The following LAMB4 variants were observed in gnomAD, a reference collection of about 807,000 sequenced individuals.
LAMB4 encodes laminin subunit beta-4.
LAMB4 carries 196 observed loss-of-function variants against 199.2 expected under a neutral mutation model. The ratio of observed to expected loss-of-function variants is 0.98; its 90% CI spans 0.88 to 1.11. LAMB4 has a LOEUF of 1.11. LAMB4 is among the 50% of genes least tolerant of loss of function. The pLI is 0.00. For synonymous variants in LAMB4, 744 were observed against 770.6 expected (o/e 0.97, Z 0.57); for missense variants, 2,080 against 2,171.2 (o/e 0.96, Z 0.83).
chr7:108,118,777 G>A (rs71568511), intron 2 of LAMB4, among the ~76,000 whole-genome samples: 217 of 151,636 alleles, frequency 1.4e-3, no homozygotes, highest in Non-Finnish European at 2.7e-3. Flanking sequence ...ATCCATAAAA[G>A]GAGAATTTAG....
intron 28 of LAMB4, among the ~76,000 whole-genome samples, chr7:108,045,861 T>C (rs1258662979): frequency 6.6e-6 from 1 of 152,186 alleles, no homozygotes; most frequent in African/African-American, 2.4e-5. Context: ...AAGTAAAGTT[T>C]CAATATTTAT....
Position 108,107,731 on chromosome 7 carries a change from G to T in LAMB4, c.491C>A (p.Ala164Asp), listed in dbSNP as rs957282274. The T allele has an allele frequency of 6.2e-7, 1 of 1,613,646 alleles. No individual in the cohort carries two copies. The highest frequency in any genetic ancestry group is 8.5e-7 in the Non-Finnish European group (1 of 1,179,700). ...KVFKYFAKDC[A>D]TSFPNITSGQ... The stretch of plus-strand genomic sequence containing the variant: ...AGATGTGATGTTAGGAAAGGAAGTG[G>T]CACAGTCTTTTGCAAAATATTTGAA... The change falls in exon 6 of 34, where the codon GCC becomes GAC. Residue 164 changes from alanine to aspartate, a missense_variant. Coordinates refer to ENST00000388781, the MANE Select transcript of LAMB4 (RefSeq NM_007356.3).
chr7:108,066,730 A>T, intron 19 of LAMB4, 130 bp from the exon 20 acceptor site: 1 of 614,650 alleles, frequency 1.6e-6, no homozygotes, highest in South Asian at 2.0e-5. Context: ...CGTGCTTAGG[A>T]CACAGCATAT....
intron 11 of LAMB4, among the ~76,000 whole-genome samples, chr7:108,097,781 C>T (rs935353906): frequency 6.6e-6 from 1 of 152,152 alleles, no homozygotes; most frequent in Admixed American, 6.5e-5. Flanking sequence ...ATCAATCTTG[C>T]AGAAACACAT....
rs1563032612 is a variant in LAMB4 at position 108,034,323 on chromosome 7, T to G, written c.4703A>C (p.Asn1568Thr). 1.2e-6 allele frequency: 2 copies of G among 1,610,846 alleles called. No homozygotes were observed. Among genetic ancestry groups the G allele is most frequent in the Non-Finnish European group, 1.7e-6 (2 of 1,177,008 alleles). ...TAACTGGTTCAATGTTTTGTCAAGA[T>G]TTAATAGAATATTTGCTGCTTTCCT... ...AAEKAANILL[N>T]LDKTLNQLQQ... Residue 1568 changes from asparagine (N) to threonine (T), a missense_variant, in exon 31 of 34, where the codon AAT becomes ACT. Coordinates refer to ENST00000388781, the MANE Select transcript of LAMB4 (RefSeq NM_007356.3).
rs1244416501 is a variant in LAMB4, at chr7:108,079,466, T to G, written c.1887+135A>C. On this transcript the variant is annotated intron_variant, in intron 15 of 33. Coordinates refer to ENST00000388781, the MANE Select transcript of LAMB4 (RefSeq NM_007356.3). ...CAATATCTTTAGGAAACCCTTGGTT[T>G]ATAATGCTCCCCAGATGTTCACTTT... 1.5e-5 allele frequency: 11 copies of G among 725,402 alleles called. No individual in the cohort carries two copies. The Admixed American group carries it at 3.1e-4, about 20-fold the overall frequency. 44.9% of individuals were successfully genotyped at this position (725,402 alleles called of 1,614,324 possible).
intron 33 of LAMB4, chr7:108,026,652 T>C (rs1435697604): frequency 4.6e-6 from 1 of 219,762 alleles, no homozygotes; most frequent in Non-Finnish European, 9.3e-6. Context: ...TCCAAAATTA[T>C]GCCCACGCAT....
At position 108,109,161 on chromosome 7, in the gene LAMB4, T is replaced by C; in HGVS notation, c.402+10A>G. Reference sequence around the variant, plus strand: ...GATAAAAGAGGGGCAGCAGGCCTATTAGTCTGTACCTTAAAGGTCAGGATA... The same window carrying C: ...GATAAAAGAGGGGCAGCAGGCCTATCAGTCTGTACCTTAAAGGTCAGGATA... On this transcript the variant is annotated intron_variant, in intron 5 of 33. Coordinates refer to ENST00000388781, the MANE Select transcript of LAMB4 (RefSeq NM_007356.3). 6.3e-7 allele frequency: 1 copy of C among 1,592,088 alleles called. No homozygotes were observed. Among genetic ancestry groups the C allele is most frequent in the Non-Finnish European group, 8.6e-7 (1 of 1,160,218 alleles).
intron 26 of LAMB4, among the ~76,000 whole-genome samples, chr7:108,051,741 C>T (rs17154848): frequency 0.08 from 12,191 of 151,808 alleles, 1,392 homozygotes; most frequent in African/African-American, 0.25. Context: ...TGGCCTATAC[C>T]GAGAAAGGCA....
chr7:108,083,883 C>G (rs1490403494), intron 14 of LAMB4, among the ~76,000 whole-genome samples: 2 of 152,176 alleles, frequency 1.3e-5, no homozygotes, highest in Admixed American at 6.5e-5. Flanking sequence ...GACAGAGTTC[C>G]TTCTGCTAAT....
Position 108,057,849 on chromosome 7 carries a change from G to T in LAMB4, c.3362C>A (p.Pro1121Gln). The change falls in exon 24 of 34, where the codon CCA becomes CAA. Residue 1121 changes from proline to glutamine, a missense_variant. Pro to Gln is a moderately conservative substitution (Grantham distance 76). Transcript: ENST00000388781. ...ATACTTACGAATGCATCGCCCAGGT[G>T]GATCACCATAATAATTTTCCTGGCA... ...SECQENYYGD[P>Q]PGRCIPCDCN... The T allele has an allele frequency of 6.2e-7, 1 of 1,611,712 alleles. No individual in the cohort carries two copies. Among genetic ancestry groups the T allele is most frequent in the Non-Finnish European group, 8.5e-7 (1 of 1,177,880 alleles).
At chr7:108,042,269 T>G (rs1381005400) in intron 29 of LAMB4, among the ~76,000 whole-genome samples, 1 of 152,146 alleles carries the variant, frequency 6.6e-6, no homozygotes, top group Admixed American at 6.6e-5. Context: ...CTAGTTGTAA[T>G]GATAGTTCTT....
the LAMB4 span, among the ~76,000 whole-genome samples, chr7:108,017,509 GTATT>G: frequency 3.9e-5 from 6 of 152,346 alleles, no homozygotes; most frequent in South Asian, 6.2e-4. Context: ...AAGTGAATAA[GTATT>G]TATTTAGAGT....
At chr7:108,039,670 C>T (rs527817457) in intron 29 of LAMB4, among the ~76,000 whole-genome samples, 1 of 152,016 alleles carries the variant, frequency 6.6e-6, no homozygotes, top group Non-Finnish European at 1.5e-5. Flanking sequence ...GGTTTTGCCA[C>T]GTTGGCCAGG....
Position 108,042,937 on chromosome 7 carries a change from C to G in LAMB4, c.4471+815G>C, listed in dbSNP as rs552520336. Among the ~76,000 whole-genome samples the G allele has an allele frequency of 3.9e-3, 549 of 140,396 alleles. 3 individuals carry two copies. Among genetic ancestry groups the G allele is most frequent in the East Asian group, 0.017 (81 of 4,800 alleles). The allele number at this position is 140,396 out of a possible 152,430, so 92.1% of individuals were successfully genotyped here. The stretch of plus-strand genomic sequence containing the variant: ...ATTAATCATCTCTCTCTCTCAATCT[C>G]TGTGTGTGTGTGTGTGTGTGTGTGT... On this transcript the variant is annotated intron_variant, in intron 29 of 33. Coordinates refer to ENST00000388781, the MANE Select transcript of LAMB4 (RefSeq NM_007356.3).
chr7:108,043,105 G>A (rs1490292897), intron 29 of LAMB4, among the ~76,000 whole-genome samples: 3 of 151,834 alleles, frequency 2.0e-5, no homozygotes, highest in Admixed American at 6.6e-5. Context: ...CAATAAATCA[G>A]CTACTTTTGG....
intron 1 of LAMB4, among the ~76,000 whole-genome samples, chr7:108,123,918 C>T (rs2038687193): frequency 6.6e-6 from 1 of 152,184 alleles, no homozygotes; most frequent in South Asian, 2.1e-4. Context: ...GGCTTCCCTC[C>T]ATCCCCAAGT....
intron 17 of LAMB4, among the ~76,000 whole-genome samples, chr7:108,070,763 A>T (rs1157725987): frequency 6.6e-6 from 1 of 152,140 alleles, no homozygotes; most frequent in Non-Finnish European, 1.5e-5. Context: ...GGGAGTAAAA[A>T]ATCATATGTA....
At chr7:108,109,791 C>G (rs555549971) in intron 4 of LAMB4, among the ~76,000 whole-genome samples, 1 of 152,070 alleles carries the variant, frequency 6.6e-6, no homozygotes, top group East Asian at 1.9e-4. Context: ...GTGTTTTGCA[C>G]TGAGCTAGTT....
Sources: allele counts gnomAD v4.1 joint callset (sites outside exome capture counted in the v4.1 genomes callset), GRCh38; gene constraint gnomAD v4.1.1; transcripts MANE v1.5; gene names NCBI Gene and HGNC (gene_info 2026-07-23, HGNC 2026-07-21).